Variants in RLN2 observed in about 807,000 individuals in gnomAD.
RLN2 encodes the protein prorelaxin H2.
In RLN2, 10 loss-of-function variants were observed where a neutral mutation model predicts 7.3. The observed-to-expected ratio is 1.36, with a 90% CI of 0.84 to 2.31. The LOEUF is 2.31. Among genes scored for constraint, RLN2 ranks in the 30% most tolerant of loss-of-function variants. The pLI, the probability that RLN2 is intolerant of heterozygous loss-of-function variation, is 0.00. For synonymous variants in RLN2, 103 were observed against 82.3 expected (o/e 1.25, Z -1.36); for missense variants, 298 against 217.6 (o/e 1.37, Z -2.32).
At chr9:5,326,803 A>G in the RLN2 span, among the ~76,000 whole-genome samples, 1 of 152,130 alleles carries the variant, frequency 6.6e-6, no homozygotes, top group Non-Finnish European at 1.5e-5. Context: ...TGGTTAGCAC[A>G]AATCAGAATT....
upstream of RLN2, chr9:5,304,892 T>C: frequency 2.9e-6 from 1 of 348,950 alleles, no homozygotes; most frequent in Non-Finnish European, 5.3e-6. Context: ...TTCATTACCC[T>C]CAAACAATTT....
the RLN2 span, among the ~76,000 whole-genome samples, chr9:5,330,238 A>G: frequency 5.3e-5 from 8 of 152,096 alleles, no homozygotes; most frequent in African/African-American, 1.9e-4. Flanking sequence ...ATGTACCAGA[A>G]TCTCTGGGAC....
chr9:5,328,158 C>T, the RLN2 span, among the ~76,000 whole-genome samples: 1 of 151,760 alleles, frequency 6.6e-6, no homozygotes, highest in African/African-American at 2.4e-5. Flanking sequence ...AAGTTAAAAA[C>T]CTTGAAAAAA....
In RLN2 at chr9:5,304,221, T is replaced by C. The variant is rs753738791; in HGVS notation, c.211+149A>G. 8.2e-5 allele frequency: 47 copies of C among 570,782 alleles called. No homozygotes were observed. In the African/African-American group the frequency reaches 9.0e-4, roughly 11 times the overall value. The allele number at this position is 570,782 out of a possible 1,614,324, so 35.4% of individuals were successfully genotyped here. On this transcript the variant is annotated intron_variant, in intron 1 of 1. Transcript: ENST00000381627. Reference sequence around the variant, plus strand: ...CCTGGCAAAGGAAAAGCCCAAACTTTAGGGACCAGCCACGGCTGAGTAGGG... The same window carrying C: ...CCTGGCAAAGGAAAAGCCCAAACTTCAGGGACCAGCCACGGCTGAGTAGGG...
At position 5,304,547 on chromosome 9, in the gene RLN2, C is replaced by A. The variant is rs2020050; in HGVS notation, c.34G>T (p.Val12Phe). 555 of 1,612,916 alleles carry A rather than the reference C, an allele frequency of 3.4e-4. 8 individuals carry two copies. The highest frequency in any genetic ancestry group is 3.1e-3 in the South Asian group (286 of 90,924). ...GAAAATTGGTTCAGTAGTAAACAGA[C>A]TCCTAGCAGGTGGAAAAAAAACAGG... ...PRLFFFHLLG[V>F]CLLLNQFSRA... The change falls in exon 1 of 2, where the codon GTC (valine) becomes TTC (phenylalanine). Residue 12 changes from valine to phenylalanine, a missense_variant. Physicochemically the swap from Val to Phe is conservative, Grantham distance 50. Transcript: ENST00000381627.
At position 5,300,325 on chromosome 9, in the gene RLN2, G is replaced by A. The variant is rs1292770834; in HGVS notation, c.331C>T (p.Gln111Ter). Residue 111 changes from glutamine (Q) to a stop codon, truncating the protein, a stop_gained, in exon 2 of 2, where the codon CAG (glutamine) becomes TAG (stop). Coordinates refer to ENST00000381627, the MANE Select transcript of RLN2 (RefSeq NM_134441.3). LOFTEE classifies it low-confidence loss of function (END_TRUNC). ...TLSEMQPALP[Q>*]LQQHVPVLKD... ...AATACAGGTACATGTTGTTGTAGCT[G>A]TGGTAATGCTGGCTGCATCTCAGAC... 3.7e-6 allele frequency: 6 copies of A among 1,613,946 alleles called. No homozygotes were observed. Among genetic ancestry groups the A allele is most frequent in the East Asian group, 2.2e-5 (1 of 44,876 alleles).
the RLN2 span, among the ~76,000 whole-genome samples, chr9:5,315,309 T>A: frequency 7.1e-6 from 1 of 141,280 alleles, no homozygotes; most frequent in Non-Finnish European, 1.5e-5. Context: ...GTGAAGAAAA[T>A]AAAAAATACA....
chr9:5,324,719 C>T, the RLN2 span, among the ~76,000 whole-genome samples: 9 of 152,118 alleles, frequency 5.9e-5, no homozygotes, highest in South Asian at 4.1e-4. Context: ...TATAAAAGTA[C>T]GCAACCTTGC....
the RLN2 span, among the ~76,000 whole-genome samples, chr9:5,322,613 G>A: frequency 0.06 from 9,110 of 151,904 alleles, 440 homozygotes; most frequent in Non-Finnish European, 0.089. Flanking sequence ...ATAATTAGAT[G>A]CTCTAAGTTT....
chr9:5,307,916 A>C (rs1816283319), upstream of RLN2, among the ~76,000 whole-genome samples: 1 of 151,922 alleles, frequency 6.6e-6, no homozygotes. Context: ...TTTTACCACT[A>C]ATCTCTTTTC....
the RLN2 span, among the ~76,000 whole-genome samples, chr9:5,320,329 C>T: frequency 5.9e-5 from 9 of 151,886 alleles, no homozygotes; most frequent in African/African-American, 2.2e-4. Context: ...GAAAGAATCT[C>T]TCCAGTGAAT....
the RLN2 span, among the ~76,000 whole-genome samples, chr9:5,324,926 T>A: frequency 6.6e-6 from 1 of 151,968 alleles, no homozygotes; most frequent in African/African-American, 2.4e-5. Context: ...TCCAACGTAA[T>A]TTTTCCAGAA....
chr9:5,324,785 G>A, the RLN2 span, among the ~76,000 whole-genome samples: 20 of 152,124 alleles, frequency 1.3e-4, no homozygotes, highest in African/African-American at 4.8e-4. Context: ...TTATTATTGT[G>A]TAATAAGCAT....
chr9:5,314,511 C>A, the RLN2 span, among the ~76,000 whole-genome samples: 3 of 152,038 alleles, frequency 2.0e-5, no homozygotes, highest in East Asian at 1.9e-4. Flanking sequence ...CATGGCCAAA[C>A]CCAATCAGTT....
the RLN2 span, among the ~76,000 whole-genome samples, chr9:5,333,298 AG>A: frequency 2.7e-5 from 4 of 150,156 alleles, no homozygotes; most frequent in Non-Finnish European, 2.9e-5. Context: ...AAGAAGAAAA[AG>A]GAGAAGATTC....
At chr9:5,323,989 G>A in the RLN2 span, among the ~76,000 whole-genome samples, 1 of 151,948 alleles carries the variant, frequency 6.6e-6, no homozygotes, top group Non-Finnish European at 1.5e-5. Context: ...AGAGGTTGCA[G>A]TGAGCCAAGA....
At chr9:5,308,167 C>T (rs1162797606), upstream of RLN2, among the ~76,000 whole-genome samples, 4 of 151,964 alleles carry the variant, frequency 2.6e-5, no homozygotes, top group Non-Finnish European at 5.9e-5. Flanking sequence ...TTATGCTTTC[C>T]TTTCAGGTTA....
chr9:5,329,279 C>T, the RLN2 span, among the ~76,000 whole-genome samples: 7 of 130,906 alleles, frequency 5.3e-5, no homozygotes, highest in African/African-American at 1.5e-4. Flanking sequence ...GTCCGCAGTC[C>T]GGCCTGGGCG....
At chr9:5,330,637 C>CAAAAAAAAA in the RLN2 span, among the ~76,000 whole-genome samples, 3 of 74,690 alleles carry the variant, frequency 4.0e-5, no homozygotes, top group African/African-American at 1.1e-4. Flanking sequence ...GACTCCATCT[C>CAAAAAAAAA]AAAAAAAAAA....
Sources: allele counts gnomAD v4.1 joint callset (sites outside exome capture counted in the v4.1 genomes callset), GRCh38; gene constraint gnomAD v4.1.1; transcripts MANE v1.5; gene names NCBI Gene and HGNC (gene_info 2026-07-23, HGNC 2026-07-21).